The following MYH9 variants were observed in gnomAD, a reference collection of about 807,000 sequenced individuals.
The protein encoded by MYH9 is myosin-9.
Under a neutral mutation model 241.9 loss-of-function variants are expected in MYH9, and 29 were observed. That is an observed-to-expected ratio of 0.12 (90% CI 0.09 to 0.16). The LOEUF is 0.16. MYH9 is among the 10% of genes least tolerant of loss of function. The pLI, the probability that MYH9 is intolerant of heterozygous loss-of-function variation, is 1.00. For missense variants in MYH9, 1,803 were observed against 2,595.5 expected, an observed-to-expected ratio of 0.69 and a Z score of 6.63; for synonymous variants, 1,047 against 1,062.6, an observed-to-expected ratio of 0.99 and a Z score of 0.29.
Position 36,302,640 on chromosome 22 carries a change from C to T in MYH9, c.2427G>A (p.Met809Ile), listed in dbSNP as rs1270895418. 3.1e-6 allele frequency: 5 copies of T among 1,613,576 alleles called. No homozygotes were observed. The highest frequency in any genetic ancestry group is 3.4e-6 in the Non-Finnish European group (4 of 1,179,948). Residue 809 changes from methionine to isoleucine, a missense_variant, in exon 20 of 41, where the codon ATG becomes ATA. By Grantham distance (10) the Met-to-Ile change is conservative (BLOSUM62 1). Around this residue, in one of 11 missense-constraint regions of MYH9, gnomAD observed 72 missense variants for 83.3 expected, o/e 0.86. Coordinates refer to ENST00000216181, the MANE Select transcript of MYH9 (RefSeq NM_002473.6). ...FAKRQQQLTA[M>I]KVLQRNCAAY... ...CAGCGCAGTTCCGCTGGAGGACCTT[C>T]ATGGCGGTAAGCTGCTGCTGCCGCT... is the stretch of plus-strand genomic sequence containing the variant.
At chr22:36,327,690 C>T (rs1348857276) in intron 3 of MYH9, among the ~76,000 whole-genome samples, 1 of 152,174 alleles carries the variant, frequency 6.6e-6, no homozygotes, top group Non-Finnish European at 1.5e-5. Context: ...TCCTGCCGCC[C>T]AGGAGCTCAG....
At chr22:36,286,684 C>T in intron 35 of MYH9, 34 bp downstream of exon 35, 1 of 1,608,934 alleles carries the variant, frequency 6.2e-7, no homozygotes, top group South Asian at 1.1e-5. Context: ...GGCCGCAGGG[C>T]AGCGGTGCCG....
chr22:36,322,010 G>C (rs1021104679), intron 6 of MYH9, 189 bp from the exon 7 acceptor site: 5 of 643,230 alleles, frequency 7.8e-6, no homozygotes, highest in Non-Finnish European at 1.4e-5. Context: ...TCGGGACTCA[G>C]GCGCCACACT....
At chr22:36,360,999 G>C (rs1359039444) in intron 1 of MYH9, among the ~76,000 whole-genome samples, 1 of 152,176 alleles carries the variant, frequency 6.6e-6, no homozygotes, top group Non-Finnish European at 1.5e-5. Flanking sequence ...GGCTGTCAGA[G>C]CAGTTATCTA....
Position 36,304,174 on chromosome 22 carries a change from C to T in MYH9, c.2230-19G>A. The T allele has an allele frequency of 6.2e-7, 1 of 1,612,982 alleles. No homozygotes were observed. Among genetic ancestry groups the T allele is most frequent in the Non-Finnish European group, 8.5e-7 (1 of 1,179,940 alleles). On this transcript the variant is annotated intron_variant, in intron 18 of 40. Transcript: ENST00000216181. ...CTTTTATCTAGGTGGGAGGAGCAGG[C>T]CGTTTACCTGGCCAGCAACTGGCCA... is the stretch of plus-strand genomic sequence containing the variant.
intron 11 of MYH9, among the ~76,000 whole-genome samples, chr22:36,317,843 G>A (rs558365004): frequency 1.1e-3 from 163 of 152,336 alleles, no homozygotes; most frequent in Non-Finnish European, 1.7e-3. Flanking sequence ...GGCGGGAGCC[G>A]CCACCCTGGC....
chr22:36,348,277 G>A (rs1471497832), intron 2 of MYH9, among the ~76,000 whole-genome samples: 1 of 151,208 alleles, frequency 6.6e-6, no homozygotes, highest in Non-Finnish European at 1.5e-5. Context: ...GGGAGGCCGA[G>A]GCGGGTGGAT....
chr22:36,367,003 G>A (rs75142495), intron 1 of MYH9, among the ~76,000 whole-genome samples: 2,462 of 152,266 alleles, frequency 0.016, 26 homozygotes, highest in Non-Finnish European at 0.022. Context: ...GGACCCCTTT[G>A]AGAACTTGTG....
At chr22:36,384,798 T>C (rs4821487) in intron 1 of MYH9, among the ~76,000 whole-genome samples, 8 of 151,360 alleles carry the variant, frequency 5.3e-5, no homozygotes. Flanking sequence ...CACAAAGCTA[T>C]TAAGTAGCAT....
In MYH9 at chr22:36,293,497, G is replaced by C. The variant is rs2016739231; in HGVS notation, c.3943-16C>G. On this transcript the variant is annotated splice_polypyrimidine_tract_variant and intron_variant, in intron 29 of 40. Transcript: ENST00000216181. The surrounding 1 kb of genome is among the most constrained non-coding windows in gnomAD (Gnocchi z 5.1). The stretch of plus-strand genomic sequence containing the variant: ...GCAGCAGCTCCTACTCGCGGGTTGA[G>C]AGGGGTGCGGGTGCTTAGGAGGGTG... The C allele has an allele frequency of 1.2e-6, 2 of 1,612,074 alleles. No individual in the cohort carries two copies. The highest frequency in any genetic ancestry group is 2.2e-5 in the South Asian group (2 of 91,080).
chr22:36,360,509 C>G (rs2017921075), intron 1 of MYH9, among the ~76,000 whole-genome samples: 2 of 151,904 alleles, frequency 1.3e-5, no homozygotes, highest in Admixed American at 6.6e-5. Context: ...GTCAGGAGAT[C>G]GAGACCATCC....
intron 5 of MYH9, among the ~76,000 whole-genome samples, chr22:36,323,039 A>C (rs1331050724): frequency 6.6e-6 from 1 of 152,098 alleles, no homozygotes; most frequent in East Asian, 1.9e-4. Context: ...CAGCCCCTCC[A>C]CTGCCGCGTC....
chr22:36,300,071 A>T lies in MYH9; in HGVS notation c.2976+56T>A. The T allele has an allele frequency of 1.2e-6, 2 of 1,600,284 alleles. No individual in the cohort carries two copies. Among genetic ancestry groups the T allele is most frequent in the Non-Finnish European group, 1.7e-6 (2 of 1,178,156 alleles). ...AGCCAGGCCCTGCAAGGGTGACCAC[A>T]CTCTCCCATCCACGGCGCCCCTGGA... On this transcript the variant is annotated intron_variant, in intron 23 of 40. Transcript: ENST00000216181. The surrounding 1 kb of genome is among the most constrained non-coding windows in gnomAD (Gnocchi z 5.0).
intron 1 of MYH9, among the ~76,000 whole-genome samples, chr22:36,371,339 G>A (rs1170496336): frequency 6.6e-6 from 1 of 152,154 alleles, no homozygotes; most frequent in Non-Finnish European, 1.5e-5. Flanking sequence ...AGGCGTGTGC[G>A]TGCACAGAGC....
chr22:36,297,114 G>T, intron 24 of MYH9, 100 bp from the exon 25 acceptor site: 1 of 1,379,484 alleles, frequency 7.2e-7, no homozygotes, highest in Non-Finnish European at 1.0e-6. Flanking sequence ...TGAAACGTGT[G>T]TCAGGCTTAA....
rs747334129 is a variant in MYH9, at chr22:36,293,825, G to C, written c.3876C>G (p.Ser1292=). 3 of 1,613,798 alleles carry C rather than the reference G, an allele frequency of 1.9e-6. No homozygotes were observed. Among genetic ancestry groups the C allele is most frequent in the East Asian group, 2.2e-5 (1 of 44,866 alleles). The change falls in exon 29 of 41, where the codon TCC becomes TCG. Residue 1292 remains serine (S), a synonymous_variant. Transcript: ENST00000216181. This position sits in a 1 kb window ranked among gnomAD's most constrained non-coding sequence, Gnocchi z 5.1. ...LDNVTGLLSQ[S]DSKSSKLTKD... ...TGGTGAGCTTGCTGGACTTGCTGTC[G>C]GACTGGCTGAGAAGCCCGGTCACGT...
Position 36,320,092 on chromosome 22 carries a change from T to C in MYH9, c.1012+128A>G, listed in dbSNP as rs553538807. 2.8e-5 allele frequency: 36 copies of C among 1,305,060 alleles called. 1 individual carries two copies. In the South Asian group the frequency reaches 4.4e-4, roughly 16 times the overall value. The allele number at this position is 1,305,060 out of a possible 1,614,324, so 80.8% of individuals were successfully genotyped here. A position where few individuals can be genotyped will look rare whatever the true frequency, so the allele number is the denominator to read the frequency against. On this transcript the variant is annotated intron_variant, in intron 9 of 40. Coordinates refer to ENST00000216181, the MANE Select transcript of MYH9 (RefSeq NM_002473.6). The surrounding 1 kb of genome is among the most constrained non-coding windows in gnomAD (Gnocchi z 4.8). ...TCTGAGGAATCATTTTCCCATACAC[T>C]GAAGGCCTTCCCCTTCCCCTGGCCT...
At chr22:36,335,674 C>T (rs2017487189) in intron 3 of MYH9, among the ~76,000 whole-genome samples, 1 of 152,206 alleles carries the variant, frequency 6.6e-6, no homozygotes, top group Non-Finnish European at 1.5e-5. Flanking sequence ...GGCCTCTCCT[C>T]CCCTAGTGCC....
At chr22:36,309,431 C>T (rs766161506) in intron 14 of MYH9, 35 bp from the exon 15 acceptor site, 46 of 1,517,968 alleles carry the variant, frequency 3.0e-5, no homozygotes, top group Admixed American at 5.0e-5. Context: ...TCACAAGCTG[C>T]GCTGGGGACA....
Sources: gnomAD v4.1 joint callset for allele counts (sites outside exome capture counted in the v4.1 genomes callset) on GRCh38, gnomAD v4.1.1 for gene constraint, gnomAD v4.1.1 regional missense constraint, Gnocchi (gnomAD v3.1) non-coding constraint, MANE v1.5 for transcripts, NCBI Gene and HGNC (gene_info 2026-07-23, HGNC 2026-07-21) for gene names.